Variants in DLC1 observed in about 807,000 individuals in gnomAD.
DLC1 encodes the protein DLC1 Rho GTPase activating protein.
Under a neutral mutation model 140.3 loss-of-function variants are expected in DLC1, and 54 were observed. The ratio of observed to expected loss-of-function variants is 0.38; its 90% CI spans 0.31 to 0.48. The LOEUF is 0.48. Among genes scored for constraint, DLC1 ranks in the 20% least tolerant of loss-of-function variants. The pLI is 0.96. For missense variants in DLC1, 2,536 were observed against 1,907.0 expected, an observed-to-expected ratio of 1.33 and a Z score of -6.14; for synonymous variants, 986 against 728.1, an observed-to-expected ratio of 1.35 and a Z score of -5.70.
At chr8:13,567,897 C>A in intron 1 of DLC1, 1 of 1,551,960 alleles carries the variant, frequency 6.4e-7, no homozygotes, top group Non-Finnish European at 8.7e-7. Flanking sequence ...TGCCATTTCT[C>A]AAGCGACTTA....
At chr8:13,350,697 T>C (rs1834615109) in intron 4 of DLC1, among the ~76,000 whole-genome samples, 1 of 151,614 alleles carries the variant, frequency 6.6e-6, no homozygotes, top group African/African-American at 2.4e-5. Context: ...GCCTGGGCCA[T>C]GGAGCAAGAC....
intron 5 of DLC1, among the ~76,000 whole-genome samples, chr8:13,298,262 C>T (rs1004196576): frequency 6.6e-6 from 1 of 152,170 alleles, no homozygotes; most frequent in Admixed American, 6.5e-5. Context: ...CAACCAAAGT[C>T]AGGCTCTAAG....
At chr8:13,422,420 A>G (rs1838359244) in intron 2 of DLC1, among the ~76,000 whole-genome samples, 1 of 151,910 alleles carries the variant, frequency 6.6e-6, no homozygotes, top group Middle Eastern at 3.2e-3. Context: ...TTTTCTTACC[A>G]ATGAGTATGT....
chr8:13,180,693 CTA>C (rs903025560), intron 5 of DLC1, among the ~76,000 whole-genome samples: 1 of 152,118 alleles, frequency 6.6e-6, no homozygotes, highest in Non-Finnish European at 1.5e-5. Flanking sequence ...CATTGTACAA[CTA>C]ATCTCAGTCC....
intron 1 of DLC1, among the ~76,000 whole-genome samples, chr8:13,560,621 C>T (rs1280601846): frequency 6.6e-6 from 1 of 152,152 alleles, no homozygotes; most frequent in Non-Finnish European, 1.5e-5. Flanking sequence ...AATTGTACTC[C>T]TCCTCCCCCA....
intron 5 of DLC1, among the ~76,000 whole-genome samples, chr8:13,207,410 C>A (rs1303801053): frequency 1.3e-5 from 2 of 152,100 alleles, no homozygotes; most frequent in African/African-American, 4.8e-5. Flanking sequence ...TCTACCTTCA[C>A]GGCTTTTAAA....
At chr8:13,439,169 C>G (rs893147695) in intron 2 of DLC1, among the ~76,000 whole-genome samples, 36 of 152,044 alleles carry the variant, frequency 2.4e-4, no homozygotes, top group African/African-American at 6.0e-4. Context: ...ACTAAAAATA[C>G]AAAAATTAGT....
rs1226081199 is a variant in DLC1 at position 13,499,723 on chromosome 8, C to G, written c.349G>C (p.Ala117Pro). Residue 117 changes from alanine (A) to proline (P), a missense_variant, in exon 2 of 18, where the codon GCT (alanine) becomes CCT (proline). Transcript: ENST00000276297. Reference protein sequence around the residue: ...LVHVSDEDNNADLCLTDDKQV... With the variant: ...LVHVSDEDNNPDLCLTDDKQV... ...TTATCATCTGTAAGGCATAAATCAG[C>G]ATTGTTATCCTCATCAGAAACATGC... The G allele has an allele frequency of 1.9e-6, 3 of 1,614,152 alleles. No individual in the cohort carries two copies. The highest frequency in any genetic ancestry group is 2.5e-6 in the Non-Finnish European group (3 of 1,180,032).
chr8:13,153,486 T>C (rs527306801), intron 5 of DLC1, among the ~76,000 whole-genome samples: 2 of 152,296 alleles, frequency 1.3e-5, no homozygotes, highest in Non-Finnish European at 1.5e-5. Flanking sequence ...GCTTCCACAG[T>C]GTGGAAAACG....
At chr8:13,227,891 C>G (rs1366487790) in intron 5 of DLC1, among the ~76,000 whole-genome samples, 2 of 152,112 alleles carry the variant, frequency 1.3e-5, no homozygotes, top group African/African-American at 4.8e-5. Flanking sequence ...TTGAATGAAT[C>G]TTGGTCTGAA....
At chr8:13,254,687 C>T (rs1830142956) in intron 5 of DLC1, among the ~76,000 whole-genome samples, 1 of 117,432 alleles carries the variant, frequency 8.5e-6, no homozygotes, top group African/African-American at 3.3e-5. Context: ...ACAGAAAGAT[C>T]CAAATCACAG....
At chr8:13,395,752 T>TGC (rs1461609162) in intron 3 of DLC1, among the ~76,000 whole-genome samples, 2 of 144,708 alleles carry the variant, frequency 1.4e-5, no homozygotes, top group Non-Finnish European at 3.0e-5. Flanking sequence ...TATGTGCATG[T>TGC]GTGTGTGTGC....
chr8:13,159,148 G>C (rs1824495699), intron 5 of DLC1, among the ~76,000 whole-genome samples: 1 of 152,118 alleles, frequency 6.6e-6, no homozygotes, highest in Non-Finnish European at 1.5e-5. Context: ...TTCCCTTTTA[G>C]GCCTCTAAAT....
rs146771564 is a variant in DLC1, at chr8:13,243,082, G to A, written c.1348+62187C>T. Among the ~76,000 whole-genome samples the A allele has an allele frequency of 9.9e-3, 1,498 of 151,882 alleles. 16 individuals carry two copies. The highest frequency in any genetic ancestry group is 0.014 in the Non-Finnish European group (958 of 67,990). The stretch of plus-strand genomic sequence containing the variant: ...AGGTGGGCAGATCGCTTGAGGTCAG[G>A]AGTTCAAGACCACCCTGGCCAACAT... On this transcript the variant is annotated intron_variant, in intron 5 of 17. Transcript: ENST00000276297.
At chr8:13,394,701 G>A (rs768097129) in intron 3 of DLC1, among the ~76,000 whole-genome samples, 3 of 152,036 alleles carry the variant, frequency 2.0e-5, no homozygotes, top group South Asian at 2.1e-4. Flanking sequence ...ATCATGTCCC[G>A]CACCCCAACT....
At chr8:13,503,326 C>T (rs1044234804) in intron 1 of DLC1, among the ~76,000 whole-genome samples, 2 of 152,050 alleles carry the variant, frequency 1.3e-5, no homozygotes, top group Non-Finnish European at 2.9e-5. Flanking sequence ...ATTGCTTGAG[C>T]CCAGGAGGTC....
chr8:13,277,061 G>A (rs1389516574), intron 5 of DLC1, among the ~76,000 whole-genome samples: 1 of 152,110 alleles, frequency 6.6e-6, no homozygotes, highest in Non-Finnish European at 1.5e-5. Context: ...TGTGGCTCAC[G>A]CCTGTTCCCA....
chr8:13,590,470 T>G (rs1805482004), intron 1 of DLC1, among the ~76,000 whole-genome samples: 1 of 152,060 alleles, frequency 6.6e-6, no homozygotes, highest in African/African-American at 2.4e-5. Flanking sequence ...CTTTGGACAC[T>G]TCAATGGTGG....
chr8:13,484,971 T>C (rs1201423250), intron 2 of DLC1, among the ~76,000 whole-genome samples: 1 of 152,138 alleles, frequency 6.6e-6, no homozygotes, highest in Non-Finnish European at 1.5e-5. Flanking sequence ...TAAGCACTTA[T>C]GAAGTGGTTG....
Sources: gnomAD v4.1 joint callset for allele counts (sites outside exome capture counted in the v4.1 genomes callset) on GRCh38, gnomAD v4.1.1 for gene constraint, MANE v1.5 for transcripts, NCBI Gene and HGNC (gene_info 2026-07-23, HGNC 2026-07-21) for gene names.